The following SCN11A variants were observed in gnomAD, a reference collection of about 807,000 sequenced individuals.
The protein encoded by SCN11A is sodium voltage-gated channel alpha subunit 11, also known as sodium channel protein type 11 subunit alpha.
Under a neutral mutation model 162.2 loss-of-function variants are expected in SCN11A, and 122 were observed. The observed-to-expected ratio is 0.75, with a 90% CI of 0.65 to 0.87. The LOEUF (loss-of-function observed/expected upper bound fraction) is 0.87, where lower values mean the gene tolerates loss of function less well. SCN11A is among the 40% of genes least tolerant of loss of function. The probability of loss-of-function intolerance (pLI) is 0.00; values close to 1 mark genes in which losing one functional copy is unlikely to be tolerated. For synonymous variants in SCN11A, 758 were observed against 751.5 expected, an observed-to-expected ratio of 1.01 and a Z score of -0.14; for missense variants, 2,015 against 2,181.6, an observed-to-expected ratio of 0.92 and a Z score of 1.52.
intron 2 of SCN11A, among the ~76,000 whole-genome samples, chr3:39,020,764 C>T (rs967653040): frequency 8.5e-5 from 13 of 152,162 alleles, no homozygotes; most frequent in Admixed American, 7.9e-4. Flanking sequence ...TCTGTAGGAA[C>T]ACACACTAAC....
rs2065869326 is a variant in SCN11A at position 38,910,295 on chromosome 3, C to A, written c.960-88G>T. On this transcript the variant is annotated intron_variant, in intron 11 of 29. Coordinates refer to ENST00000302328, the MANE Select transcript of SCN11A (RefSeq NM_001349253.2). ...CCAACGACTCTGGTTTTTCCAAGGG[C>A]TGTGGGATCACACCAGGAGCCCTAG... is the stretch of plus-strand genomic sequence containing the variant. 3 of 1,371,720 alleles carry A rather than the reference C, an allele frequency of 2.2e-6. No individual in the cohort carries two copies. In the African/African-American group the frequency reaches 4.3e-5, roughly 20 times the overall value. 85.0% of individuals were successfully genotyped at this position (1,371,720 alleles called of 1,614,324 possible). A position where few individuals can be genotyped will look rare whatever the true frequency, so the allele number is the denominator to read the frequency against.
intron 19 of SCN11A, among the ~76,000 whole-genome samples, chr3:38,893,032 T>G (rs1166215016): frequency 2.6e-5 from 4 of 152,102 alleles, no homozygotes; most frequent in Non-Finnish European, 2.9e-5. Flanking sequence ...GCATTAAATA[T>G]GAATGGTTTA....
chr3:38,947,276 T>C (rs535698768), intron 5 of SCN11A, among the ~76,000 whole-genome samples: 1 of 152,242 alleles, frequency 6.6e-6, no homozygotes, highest in Non-Finnish European at 1.5e-5. Flanking sequence ...AACTTTGCAA[T>C]GAATCTTAGA....
chr3:38,852,300 G>C (rs1470413834), intron 28 of SCN11A, among the ~76,000 whole-genome samples: 1 of 152,096 alleles, frequency 6.6e-6, no homozygotes, highest in Non-Finnish European at 1.5e-5. Context: ...AAAGTCAAGT[G>C]CCTTTCCTAT....
intron 2 of SCN11A, among the ~76,000 whole-genome samples, chr3:38,963,345 T>C (rs1253545607): frequency 9.2e-6 from 1 of 108,988 alleles, no homozygotes; most frequent in Non-Finnish European, 2.0e-5. Context: ...ACTATATCTA[T>C]TTGATGGATA....
Position 38,871,499 on chromosome 3 carries a change from G to T in SCN11A, c.3705C>A (p.Asn1235Lys), listed in dbSNP as rs1047350588. 3.7e-6 allele frequency: 6 copies of T among 1,612,968 alleles called. No homozygotes were observed. In the African/African-American group the frequency reaches 8.0e-5, roughly 22 times the overall value. The stretch of plus-strand genomic sequence containing the variant: ...CCACATTGTCAAAGTTGACTTTCTG[G>T]TTGATCCAAGAGAAATTGCCACTTT... Reference protein sequence around the residue: ...QCESGNFSWINQKVNFDNVGN... With the variant: ...QCESGNFSWIKQKVNFDNVGN... The change falls in exon 25 of 30, where the codon AAC becomes AAA. Residue 1235 changes from asparagine (N) to lysine (K), a missense_variant. Asn to Lys is a moderately conservative substitution (Grantham distance 94). Coordinates refer to ENST00000302328, the MANE Select transcript of SCN11A (RefSeq NM_001349253.2).
chr3:38,922,982 T>TTTTG lies in SCN11A; in HGVS notation c.713-1731_713-1728dup, dbSNP rs949687378. ...TCCAGAGAGGGAAGATAATAAACTG[T>TTTTG]TTTGTTTGTTTGTTTTAGTAAAGAA... On this transcript the variant is annotated intron_variant, in intron 9 of 29. Coordinates refer to ENST00000302328, the MANE Select transcript of SCN11A (RefSeq NM_001349253.2). 3.4e-4 allele frequency among the ~76,000 whole-genome samples: 51 copies of TTTTG among 151,956 alleles called. No homozygotes were observed. In the East Asian group the frequency reaches 8.9e-3, roughly 26 times the overall value.
chr3:39,042,678 C>A (rs1215592270), intron 1 of SCN11A, among the ~76,000 whole-genome samples: 2 of 151,934 alleles, frequency 1.3e-5, no homozygotes, highest in Non-Finnish European at 2.9e-5. Flanking sequence ...AGCAAAAGGT[C>A]CAGGTGCAGT....
At chr3:38,857,385 C>T (rs1210385489) in intron 28 of SCN11A, among the ~76,000 whole-genome samples, 1 of 151,976 alleles carries the variant, frequency 6.6e-6, no homozygotes, top group Non-Finnish European at 1.5e-5. Context: ...CAACAATAGA[C>T]TAGGACAAGT....
chr3:38,854,301 G>A (rs1460042360), intron 28 of SCN11A, among the ~76,000 whole-genome samples: 1 of 152,034 alleles, frequency 6.6e-6, no homozygotes, highest in Non-Finnish European at 1.5e-5. Flanking sequence ...TTTACTATCT[G>A]GGCCTTTAAG....
intron 2 of SCN11A, among the ~76,000 whole-genome samples, chr3:38,963,664 G>T (rs1289805608): frequency 6.6e-6 from 1 of 151,830 alleles, no homozygotes; most frequent in Non-Finnish European, 1.5e-5. Flanking sequence ...CGATATGTGG[G>T]AGTAAGCTAT....
Position 38,907,932 on chromosome 3 carries a change from C to T in SCN11A, c.1473+17G>A, listed in dbSNP as rs771653739. The T allele has an allele frequency of 3.1e-6, 5 of 1,589,270 alleles. No individual in the cohort carries two copies. In the African/African-American group the frequency reaches 5.5e-5, roughly 17 times the overall value. Reference sequence around the variant, plus strand: ...GGACAGCAATATGGTATCATTAATTCCCTGGAAAAGACTTACCTTTTTTTG... The same window carrying T: ...GGACAGCAATATGGTATCATTAATTTCCTGGAAAAGACTTACCTTTTTTTG... On this transcript the variant is annotated intron_variant, in intron 14 of 29. Transcript: ENST00000302328.
At chr3:38,848,419 C>A (rs967849040) in intron 29 of SCN11A, among the ~76,000 whole-genome samples, 8 of 152,042 alleles carry the variant, frequency 5.3e-5, no homozygotes, top group African/African-American at 1.9e-4. Flanking sequence ...TATTTGAGTG[C>A]CCATGACCCC....
intron 3 of SCN11A, among the ~76,000 whole-genome samples, chr3:38,956,017 C>G (rs1450544688): frequency 6.6e-6 from 1 of 152,078 alleles, no homozygotes; most frequent in African/African-American, 2.4e-5. Flanking sequence ...GAGGCTGAGG[C>G]AGGCAGATCA....
chr3:38,858,304 T>C (rs1219546788), intron 28 of SCN11A, among the ~76,000 whole-genome samples: 1 of 151,948 alleles, frequency 6.6e-6, no homozygotes, highest in Non-Finnish European at 1.5e-5. Flanking sequence ...CATATAAACT[T>C]AAGGTAAAGG....
rs187331760 is a variant in SCN11A, at chr3:38,943,033, T to G, written c.488+2378A>C. ...TTTATACGGAAGTGTTCGCAGCAACTTTATTCATAATAGCCCTAAACTGGA... is the reference window on the plus strand; with the variant it reads ...TTTATACGGAAGTGTTCGCAGCAACGTTATTCATAATAGCCCTAAACTGGA... On this transcript the variant is annotated intron_variant, in intron 7 of 29. Coordinates refer to ENST00000302328, the MANE Select transcript of SCN11A (RefSeq NM_001349253.2). Among the ~76,000 whole-genome samples, 37 of 152,278 alleles carry G rather than the reference T, an allele frequency of 2.4e-4. No homozygotes were observed. In the East Asian group the frequency reaches 6.4e-3, roughly 26 times the overall value.
intron 2 of SCN11A, among the ~76,000 whole-genome samples, chr3:38,996,498 C>T (rs1203679429): frequency 6.6e-6 from 1 of 152,122 alleles, no homozygotes; most frequent in Non-Finnish European, 1.5e-5. Flanking sequence ...TTTCTAAAGA[C>T]TCTAGGAAGC....
At chr3:38,870,204 T>G (rs1459091238) in intron 26 of SCN11A, among the ~76,000 whole-genome samples, 2 of 152,166 alleles carry the variant, frequency 1.3e-5, no homozygotes, top group African/African-American at 4.8e-5. Context: ...TAACTAAAAT[T>G]CAACAGCTGG....
chr3:38,890,194 G>A (rs1276946954), intron 19 of SCN11A, among the ~76,000 whole-genome samples: 1 of 152,172 alleles, frequency 6.6e-6, no homozygotes, highest in African/African-American at 2.4e-5. Flanking sequence ...AAAGCTCTGG[G>A]GGTGGGGAGG....
Sources: gnomAD v4.1 joint callset for allele counts (sites outside exome capture counted in the v4.1 genomes callset) on GRCh38, gnomAD v4.1.1 for gene constraint, MANE v1.5 for transcripts, NCBI Gene and HGNC (gene_info 2026-07-23, HGNC 2026-07-21) for gene names.